Variants in ONECUT1 observed in about 807,000 individuals in gnomAD.
The protein encoded by ONECUT1 is one cut homeobox 1.
A neutral mutation model predicts 25.6 loss-of-function variants in ONECUT1; 12 were observed. That is an observed-to-expected ratio of 0.47 (90% CI 0.30 to 0.76). The LOEUF is 0.76. Ranked by LOEUF, ONECUT1 falls within the 30% of genes least tolerant of loss-of-function variation. ONECUT1 has a pLI of 0.07. For synonymous variants in ONECUT1, 285 were observed against 270.2 expected (o/e 1.05, Z -0.54); for missense variants, 620 against 651.2 (o/e 0.95, Z 0.52).
At chr15:52,766,167 A>G (rs1447736838) in intron 1 of ONECUT1, among the ~76,000 whole-genome samples, 1 of 152,220 alleles carries the variant, frequency 6.6e-6, no homozygotes, top group Non-Finnish European at 1.5e-5. Flanking sequence ...TAGTGCTTAA[A>G]ACACCTCCAT....
Position 52,789,149 on chromosome 15 carries a change from C to A in ONECUT1, c.736G>T (p.Gly246Cys), listed in dbSNP as rs764411723. 5 of 1,596,454 alleles carry A rather than the reference C, an allele frequency of 3.1e-6. No individual in the cohort carries two copies. The highest frequency in any genetic ancestry group is 3.4e-6 in the Non-Finnish European group (4 of 1,176,714). ...GCGTGGGGATGGTGCGGAGGAAGGC[C>A]GTTGATGGGCACCATGCCGGCCGAG... ...PTSAGMVPIN[G>C]LPPHHPHAHL... Residue 246 changes from glycine (G) to cysteine (C), a missense_variant, in exon 1 of 2, where the codon GGC (glycine) becomes TGC (cysteine). By Grantham distance (159) the Gly-to-Cys change is radical. Around this residue, in one of 4 missense-constraint regions of ONECUT1, gnomAD observed 440 missense variants for 404.9 expected, o/e 1.09. Transcript: ENST00000305901. This position sits in a 1 kb window ranked among gnomAD's most constrained non-coding sequence, Gnocchi z 4.1.
chr15:52,771,468 TG>T (rs2083767206), intron 1 of ONECUT1, among the ~76,000 whole-genome samples: 1 of 151,658 alleles, frequency 6.6e-6, no homozygotes, highest in Non-Finnish European at 1.5e-5. Flanking sequence ...TGTGTGTGTG[TG>T]TGTCTGTGTA....
At chr15:52,786,140 G>T (rs1282624590) in intron 1 of ONECUT1, among the ~76,000 whole-genome samples, 1 of 152,228 alleles carries the variant, frequency 6.6e-6, no homozygotes, top group Non-Finnish European at 1.5e-5. Context: ...CGGCCAAGGC[G>T]CTCTGCAATC....
chr15:52,789,238 T>C lies in ONECUT1; in HGVS notation c.647A>G (p.Asn216Ser), dbSNP rs568808771. Reference protein sequence around the residue: ...AMPTDKMLTPNGFEAHHPAML... With the variant: ...AMPTDKMLTPSGFEAHHPAML... ...GGCCGGGTGGTGGGCTTCGAAGCCG[T>C]TGGGGGTGAGCATCTTGTCGGTGGG... The change falls in exon 1 of 2, where the codon AAC (asparagine) becomes AGC (serine). Residue 216 changes from asparagine to serine, a missense_variant. Physicochemically the swap from Asn to Ser is conservative, Grantham distance 46. This residue lies in a region of ONECUT1 where 440 missense variants were observed against 404.9 expected (regional missense o/e 1.09). Coordinates refer to ENST00000305901, the MANE Select transcript of ONECUT1 (RefSeq NM_004498.4). This position sits in a 1 kb window ranked among gnomAD's most constrained non-coding sequence, Gnocchi z 4.1. 6.4e-7 allele frequency: 1 copy of C among 1,552,942 alleles called. No individual in the cohort carries two copies. The highest frequency in any genetic ancestry group is 1.8e-5 in the Admixed American group (1 of 54,104).
At chr15:52,762,135 G>A (rs537374881) in intron 1 of ONECUT1, among the ~76,000 whole-genome samples, 55 of 152,288 alleles carry the variant, frequency 3.6e-4, no homozygotes, top group African/African-American at 1.3e-3. Context: ...AAAAGGCAGA[G>A]CTAAGGGAAA....
chr15:52,761,500 G>A (rs1596045564), intron 1 of ONECUT1, among the ~76,000 whole-genome samples: 1 of 152,112 alleles, frequency 6.6e-6, no homozygotes, highest in African/African-American at 2.4e-5. Context: ...GTGAAACCCT[G>A]TCTCTACTAA....
chr15:52,780,629 T>C lies in ONECUT1; in HGVS notation c.1105+8151A>G, dbSNP rs754906837. 39 of 1,535,350 alleles carry C rather than the reference T, an allele frequency of 2.5e-5. No individual in the cohort carries two copies. In the African/African-American group the frequency reaches 4.4e-4, roughly 17 times the overall value. Reference sequence around the variant, plus strand: ...ACGATTTTTGTGACTCCATCAATACTCGAATCGCTTTAGCCACTCCTCTCA... The same window carrying C: ...ACGATTTTTGTGACTCCATCAATACCCGAATCGCTTTAGCCACTCCTCTCA... On this transcript the variant is annotated intron_variant, in intron 1 of 1. Transcript: ENST00000305901.
chr15:52,780,930 G>T (rs777983112), intron 1 of ONECUT1: 325 of 1,237,618 alleles, frequency 2.6e-4, no homozygotes, highest in Middle Eastern at 6.3e-4. Context: ...ATGGTGACTG[G>T]AAACATGCAG....
chr15:52,789,667 C>CGGT lies in ONECUT1; in HGVS notation c.215_217dup (p.His72dup), dbSNP rs751869469. ...GCCGGCCAGGCTGTGCTCAGGGGCC[C>CGGT]GGTGGTGGTGGTGGTAATCTCCGCC... On this transcript the variant is annotated inframe_insertion, in exon 1 of 2. Coordinates refer to ENST00000305901, the MANE Select transcript of ONECUT1 (RefSeq NM_004498.4). The surrounding 1 kb of genome is among the most constrained non-coding windows in gnomAD (Gnocchi z 4.1). The CGGT allele has an allele frequency of 3.3e-6, 5 of 1,518,570 alleles. No individual in the cohort carries two copies. Among genetic ancestry groups the CGGT allele is most frequent in the African/African-American group, 2.8e-5 (2 of 70,776 alleles). The allele number at this position is 1,518,570 out of a possible 1,614,324, so 94.1% of individuals were successfully genotyped here.
At position 52,755,934 on chromosome 15, in the gene ONECUT1, T is replaced by C. The variant is rs1286296243; in HGVS notation, c.*1621A>G. On this transcript the variant is annotated 3_prime_UTR_variant, in exon 2 of 2. Coordinates refer to ENST00000305901, the MANE Select transcript of ONECUT1 (RefSeq NM_004498.4). ...GCTCTGGTTAAGTGATTTGGACAAA[T>C]AGAAATTTAAAATTTTGTATTTGTA... 2.0e-5 allele frequency among the ~76,000 whole-genome samples: 3 copies of C among 152,160 alleles called. No homozygotes were observed. The highest frequency in any genetic ancestry group is 4.4e-5 in the Non-Finnish European group (3 of 68,020).
chr15:52,781,511 G>A (rs998544665), intron 1 of ONECUT1, among the ~76,000 whole-genome samples: 1 of 152,184 alleles, frequency 6.6e-6, no homozygotes, highest in African/African-American at 2.4e-5. Flanking sequence ...CACCTGTCCT[G>A]GCAACAGAAG....
At position 52,756,364 on chromosome 15, in the gene ONECUT1, A is replaced by G. The variant is rs2083674221; in HGVS notation, c.*1191T>C. Among the ~76,000 whole-genome samples, 1 of 152,248 alleles carries G rather than the reference A, an allele frequency of 6.6e-6. No homozygotes were observed. The highest frequency in any genetic ancestry group is 2.1e-4 in the South Asian group (1 of 4,832). ...TTGGTGCCAGATGCATAAAGCAAAT[A>G]TAAGTCAATTAATCTAAGGATAGTT... On this transcript the variant is annotated 3_prime_UTR_variant, in exon 2 of 2. Coordinates refer to ENST00000305901, the MANE Select transcript of ONECUT1 (RefSeq NM_004498.4).
Position 52,789,540 on chromosome 15 carries a change from G to A in ONECUT1, c.345C>T (p.Ile115=), listed in dbSNP as rs777122828. Residue 115 remains isoleucine (I), a synonymous_variant, in exon 1 of 2, where the codon ATC becomes ATT. Coordinates refer to ENST00000305901, the MANE Select transcript of ONECUT1 (RefSeq NM_004498.4). The surrounding 1 kb of genome is among the most constrained non-coding windows in gnomAD (Gnocchi z 4.1). ...GGGGGAACTTGTCCGAGACTGTGGA[G>A]ATGGGAGGCAGCGGCTGCAGAGGGG... is the stretch of plus-strand genomic sequence containing the variant. ...TLTPLQPLPP[I]STVSDKFPHH... 2.7e-5 allele frequency: 43 copies of A among 1,604,500 alleles called. 1 individual carries two copies. In the Middle Eastern group the frequency reaches 2.5e-3, roughly 93 times the overall value.
Position 52,757,961 on chromosome 15 carries a change from T to C in ONECUT1, c.1106-114A>G. The stretch of plus-strand genomic sequence containing the variant: ...TCCTCATGGCCTGCTTTCTGTTTGC[T>C]GACCTCTGCTTTAAGCACCATTGGA... On this transcript the variant is annotated intron_variant, in intron 1 of 1. Transcript: ENST00000305901. 2.6e-6 allele frequency: 3 copies of C among 1,132,302 alleles called. No individual in the cohort carries two copies. The South Asian group carries it at 4.6e-5, about 17-fold the overall frequency. The allele number at this position is 1,132,302 out of a possible 1,614,324, so 70.1% of individuals were successfully genotyped here.
At chr15:52,779,316 C>T (rs907064222) in intron 1 of ONECUT1, among the ~76,000 whole-genome samples, 2 of 151,992 alleles carry the variant, frequency 1.3e-5, no homozygotes, top group African/African-American at 4.8e-5. Flanking sequence ...TCTCGATCTC[C>T]TGACCTTGTG....
At chr15:52,783,032 G>A (rs1221855370) in intron 1 of ONECUT1, among the ~76,000 whole-genome samples, 1 of 152,172 alleles carries the variant, frequency 6.6e-6, no homozygotes, top group African/African-American at 2.4e-5. Context: ...ATAACTTGGG[G>A]TAGCAGCATT....
In ONECUT1 at chr15:52,777,740, A is replaced by C. The variant is rs867877947; in HGVS notation, c.1105+11040T>G. Among the ~76,000 whole-genome samples the C allele has an allele frequency of 2.8e-3, 407 of 147,734 alleles. 12 individuals carry two copies. The highest frequency in any genetic ancestry group is 9.1e-3 in the African/African-American group (365 of 40,286). On this transcript the variant is annotated intron_variant, in intron 1 of 1. Coordinates refer to ENST00000305901, the MANE Select transcript of ONECUT1 (RefSeq NM_004498.4). The stretch of plus-strand genomic sequence containing the variant: ...CACACACACACACACACACACACAA[A>C]AAAACATGTAAAGTTATTTGTTCTC...
chr15:52,772,191 G>A (rs1022314138), intron 1 of ONECUT1, among the ~76,000 whole-genome samples: 2 of 152,082 alleles, frequency 1.3e-5, no homozygotes, highest in Non-Finnish European at 2.9e-5. Context: ...TCAGGAGATC[G>A]AGACCATCCT....
rs770389482 is a variant in ONECUT1 at position 52,788,850 on chromosome 15, C to T, written c.1035G>A (p.Glu345=). The change falls in exon 1 of 2, where the codon GAG becomes GAA. Residue 345 remains glutamate (E), a synonymous_variant. Transcript: ENST00000305901. This position sits in a 1 kb window ranked among gnomAD's most constrained non-coding sequence, Gnocchi z 4.3. The stretch of plus-strand genomic sequence containing the variant: ...GCCACTTCCACATCCTCCGGAAGGT[C>T]TCCCGGCCGGATTTGAGTTTGCTCC... ...KPWSKLKSGR[E]TFRRMWKWLQ... is the part of the protein sequence containing the mutation. 6.2e-7 allele frequency: 1 copy of T among 1,614,180 alleles called. No homozygotes were observed. The highest frequency in any genetic ancestry group is 1.7e-5 in the Admixed American group (1 of 60,032).
Sources: gnomAD v4.1 joint callset for allele counts (sites outside exome capture counted in the v4.1 genomes callset) on GRCh38, gnomAD v4.1.1 for gene constraint, gnomAD v4.1.1 regional missense constraint, Gnocchi (gnomAD v3.1) non-coding constraint, MANE v1.5 for transcripts, NCBI Gene and HGNC (gene_info 2026-07-23, HGNC 2026-07-21) for gene names.